Variants in FSD1L observed in about 807,000 individuals in gnomAD.
FSD1L encodes FSD1-like protein.
In FSD1L, 45 loss-of-function variants were observed where a neutral mutation model predicts 71.6. The observed-to-expected ratio is 0.63, with a 90% confidence interval of 0.49 to 0.81. The LOEUF (loss-of-function observed/expected upper bound fraction) is 0.81, where lower values mean the gene tolerates loss of function less well. FSD1L is among the 30% of genes least tolerant of loss of function. The pLI, the probability that FSD1L is intolerant of heterozygous loss-of-function variation, is 0.00. For missense variants in FSD1L, 561 were observed against 618.1 expected (o/e 0.91, Z 0.98); for synonymous variants, 197 against 207.2 (o/e 0.95, Z 0.42).
At chr9:105,497,111 G>C (rs771249230) in intron 7 of FSD1L, among the ~76,000 whole-genome samples, 4 of 151,900 alleles carry the variant, frequency 2.6e-5, no homozygotes, top group African/African-American at 4.8e-5. Context: ...GCATTTTTTG[G>C]CATCTATTTT....
intron 7 of FSD1L, among the ~76,000 whole-genome samples, chr9:105,504,901 G>T (rs563873240): frequency 3.3e-5 from 5 of 152,152 alleles, no homozygotes; most frequent in Non-Finnish European, 7.4e-5. Context: ...TATATTTGTG[G>T]AGAATTGAGC....
intron 1 of FSD1L, among the ~76,000 whole-genome samples, chr9:105,448,673 A>G (rs1229482544): frequency 1.3e-5 from 2 of 152,156 alleles, no homozygotes; most frequent in Non-Finnish European, 2.9e-5. Context: ...CTCCTCGACC[A>G]AGTCTCGTCT....
At chr9:105,468,834 G>T (rs1831247337) in intron 4 of FSD1L, among the ~76,000 whole-genome samples, 1 of 152,200 alleles carries the variant, frequency 6.6e-6, no homozygotes, top group Non-Finnish European at 1.5e-5. Flanking sequence ...GTGTACAGTT[G>T]ATGGTGTTAA....
chr9:105,467,203 C>G (rs1237626188), intron 3 of FSD1L, among the ~76,000 whole-genome samples: 6 of 152,092 alleles, frequency 3.9e-5, no homozygotes, highest in Admixed American at 3.3e-4. Flanking sequence ...ATAATTACCA[C>G]CACCTTTGAT....
chr9:105,459,794 C>T (rs1045260148), intron 1 of FSD1L, among the ~76,000 whole-genome samples: 2 of 152,200 alleles, frequency 1.3e-5, no homozygotes, highest in Non-Finnish European at 2.9e-5. Context: ...CTACAGCTGG[C>T]TTGTCCATTC....
chr9:105,495,128 C>G (rs912966651), intron 7 of FSD1L, among the ~76,000 whole-genome samples: 5 of 152,318 alleles, frequency 3.3e-5, no homozygotes, highest in Non-Finnish European at 5.9e-5. Flanking sequence ...GCAGGCAGGC[C>G]TCCTTGAGCT....
intron 10 of FSD1L, among the ~76,000 whole-genome samples, chr9:105,533,414 A>ATTTTTTTTTTTTTTTTTTTTTTTTT (rs1271918066): frequency 3.7e-4 from 5 of 13,360 alleles, no homozygotes; most frequent in Non-Finnish European, 6.7e-4. Context: ...TGCCATTTCC[A>ATTTTTTTTTTTTTTTTTTTTTTTTT]TCTTTTTTTT....
intron 9 of FSD1L, 50 bp downstream of exon 9, chr9:105,508,765 A>C: frequency 1.8e-6 from 2 of 1,104,916 alleles, no homozygotes; most frequent in Non-Finnish European, 2.6e-6. Context: ...TAACATCTGA[A>C]GTTATTCATA....
intron 5 of FSD1L, among the ~76,000 whole-genome samples, chr9:105,473,935 A>C (rs773259317): frequency 2.6e-5 from 4 of 152,222 alleles, no homozygotes; most frequent in Non-Finnish European, 4.4e-5. Flanking sequence ...TTGTGGTTTA[A>C]TATGCCACTT....
At chr9:105,530,500 C>T (rs750431049) in intron 10 of FSD1L, 1 of 658,000 alleles carries the variant, frequency 1.5e-6, no homozygotes, top group South Asian at 1.7e-5. Flanking sequence ...TTCTTTACTA[C>T]TGGTAAGTTA....
chr9:105,523,519 A>G, intron 10 of FSD1L: 2 of 1,613,014 alleles, frequency 1.2e-6, no homozygotes, highest in South Asian at 2.2e-5. Context: ...CAAGTTTTTG[A>G]TTACCTCTGT....
chr9:105,525,742 A>G, intron 10 of FSD1L: 1 of 1,603,026 alleles, frequency 6.2e-7, no homozygotes, highest in Non-Finnish European at 8.5e-7. Flanking sequence ...TACAGGAGGA[A>G]GTCAAGCATA....
intron 7 of FSD1L, among the ~76,000 whole-genome samples, chr9:105,491,575 C>T (rs1832942196): frequency 6.6e-6 from 1 of 152,032 alleles, no homozygotes; most frequent in Admixed American, 6.6e-5. Context: ...CTGTCTTGTG[C>T]CAGTTTTCAA....
Position 105,502,665 on chromosome 9 carries a change from TA to T in FSD1L, c.587-3725del, listed in dbSNP as rs376327478. Among the ~76,000 whole-genome samples, 596 of 151,230 alleles carry T rather than the reference TA, an allele frequency of 3.9e-3. 6 individuals are homozygous for T. The highest frequency in any genetic ancestry group is 0.013 in the African/African-American group (542 of 41,224). ...CACATAGATATTACTACTACTTTGA[TA>T]AAAAAAAATGATTTAAAACGCCGTC... On this transcript the variant is annotated intron_variant, in intron 7 of 13. Transcript: ENST00000481272.
At chr9:105,467,250 A>G (rs186089359) in intron 3 of FSD1L, among the ~76,000 whole-genome samples, 108 of 152,246 alleles carry the variant, frequency 7.1e-4, no homozygotes, top group African/African-American at 2.6e-3. Flanking sequence ...TATAAACATT[A>G]TAAGCAAAAG....
intron 12 of FSD1L, among the ~76,000 whole-genome samples, chr9:105,538,204 A>G (rs780358499): frequency 3.9e-5 from 6 of 152,218 alleles, no homozygotes; most frequent in Non-Finnish European, 8.8e-5. Context: ...AGGACAATAT[A>G]TTTAAGCATT....
chr9:105,476,371 T>C (rs1831803798), intron 5 of FSD1L, among the ~76,000 whole-genome samples: 2 of 152,180 alleles, frequency 1.3e-5, no homozygotes, highest in South Asian at 2.1e-4. Flanking sequence ...TAATCAGTCA[T>C]AGAAGTGTCA....
intron 7 of FSD1L, among the ~76,000 whole-genome samples, chr9:105,493,887 C>A (rs1589007645): frequency 6.6e-6 from 1 of 152,214 alleles, no homozygotes; most frequent in South Asian, 2.1e-4. Context: ...GTCTGATGGG[C>A]TTCCCTTTGT....
chr9:105,451,989 G>T (rs1830033403), intron 1 of FSD1L, among the ~76,000 whole-genome samples: 1 of 152,176 alleles, frequency 6.6e-6, no homozygotes, highest in Non-Finnish European at 1.5e-5. Flanking sequence ...ATTGTCACTT[G>T]TTTGCTTTTC....
Sources: allele counts gnomAD v4.1 joint callset (sites outside exome capture counted in the v4.1 genomes callset), GRCh38; gene constraint gnomAD v4.1.1; transcripts MANE v1.5; gene names NCBI Gene and HGNC (gene_info 2026-07-23, HGNC 2026-07-21).